The following MS4A6E variants were observed in gnomAD, a reference collection of about 807,000 sequenced individuals.
MS4A6E encodes membrane-spanning 4-domains subfamily A member 6E.
A neutral mutation model predicts 13.2 loss-of-function variants in MS4A6E; 8 were observed. That is an observed-to-expected ratio of 0.60 (90% CI 0.35 to 1.09). The LOEUF is 1.09. MS4A6E is among the 50% of genes least tolerant of loss of function. MS4A6E has a pLI of 0.02. For missense variants in MS4A6E, 177 were observed against 171.1 expected (o/e 1.03, Z -0.19); for synonymous variants, 72 against 67.6 (o/e 1.06, Z -0.32).
chr11:60,328,232 A>G (rs2085132131), intron 1 of MS4A6E, among the ~76,000 whole-genome samples: 1 of 152,162 alleles, frequency 6.6e-6, no homozygotes, highest in African/African-American at 2.4e-5. Flanking sequence ...GGGAAGAGAG[A>G]AATGAATTAA....
At chr11:60,334,303 A>G (rs971006329) in intron 1 of MS4A6E, among the ~76,000 whole-genome samples, 1 of 152,226 alleles carries the variant, frequency 6.6e-6, no homozygotes. Context: ...ACACAAGCCC[A>G]TAAAAAGCTT....
intron 1 of MS4A6E, among the ~76,000 whole-genome samples, chr11:60,332,816 A>G (rs2085165220): frequency 6.6e-6 from 1 of 152,244 alleles, no homozygotes; most frequent in Non-Finnish European, 1.5e-5. Context: ...ACACAAAGAG[A>G]AAGCAATTGA....
intron 2 of MS4A6E, among the ~76,000 whole-genome samples, chr11:60,335,922 C>G (rs2085186086): frequency 6.6e-6 from 1 of 151,960 alleles, no homozygotes; most frequent in African/African-American, 2.4e-5. Flanking sequence ...CACATGGACA[C>G]GTAGAAGGGA....
At chr11:60,328,348 A>G (rs2085132840) in intron 1 of MS4A6E, among the ~76,000 whole-genome samples, 1 of 152,216 alleles carries the variant, frequency 6.6e-6, no homozygotes, top group South Asian at 2.1e-4. Flanking sequence ...AATTAAAGGT[A>G]TGGCCAAGCT....
intron 3 of MS4A6E, among the ~76,000 whole-genome samples, chr11:60,339,515 T>G (rs954914427): frequency 5.3e-5 from 8 of 152,234 alleles, no homozygotes; most frequent in African/African-American, 1.4e-4. Context: ...GATGAGACTA[T>G]AATGGAGCTG....
intron 1 of MS4A6E, among the ~76,000 whole-genome samples, chr11:60,331,583 TA>T (rs1413924900): frequency 6.6e-6 from 1 of 152,200 alleles, no homozygotes. Flanking sequence ...ATAATTTTAA[TA>T]AAAACACAAC....
chr11:60,335,164 G>C (rs977860950), intron 2 of MS4A6E, 122 bp downstream of exon 2: 89 of 1,361,070 alleles, frequency 6.5e-5, no homozygotes, highest in African/African-American at 8.8e-5. Flanking sequence ...AGGGACTTTG[G>C]GGTAGAAGCC....
intron 3 of MS4A6E, among the ~76,000 whole-genome samples, chr11:60,338,254 T>A (rs1209135294): frequency 6.6e-6 from 1 of 152,228 alleles, no homozygotes; most frequent in South Asian, 2.1e-4. Context: ...AAACTGAGAA[T>A]GTTGGTACAT....
intron 4 of MS4A6E, among the ~76,000 whole-genome samples, chr11:60,346,362 AT>A (rs2135068960): frequency 6.6e-6 from 1 of 152,196 alleles, no homozygotes; most frequent in South Asian, 2.1e-4. Context: ...TCCTGTCCCT[AT>A]TTAAAAGACC....
chr11:60,343,422 T>C (rs1476266687), downstream of MS4A6E, among the ~76,000 whole-genome samples: 2 of 152,240 alleles, frequency 1.3e-5, no homozygotes, highest in Non-Finnish European at 2.9e-5. Flanking sequence ...AATTAGAATT[T>C]TCCAACCGGA....
At chr11:60,331,520 T>C (rs2085155779) in intron 1 of MS4A6E, among the ~76,000 whole-genome samples, 1 of 152,218 alleles carries the variant, frequency 6.6e-6, no homozygotes, top group Non-Finnish European at 1.5e-5. Context: ...ATTTGTTTCA[T>C]ATAATGCCCC....
chr11:60,331,236 A>G (rs2085154029), intron 1 of MS4A6E, among the ~76,000 whole-genome samples: 1 of 130,874 alleles, frequency 7.6e-6, no homozygotes, highest in Admixed American at 7.9e-5. Flanking sequence ...CCCAAAATTT[A>G]TTAATATAAT....
intron 1 of MS4A6E, among the ~76,000 whole-genome samples, chr11:60,328,115 C>T (rs1260341407): frequency 6.6e-6 from 1 of 151,050 alleles, no homozygotes; most frequent in African/African-American, 2.4e-5. Context: ...GTGTCTATGT[C>T]CCAGGGTTTT....
chr11:60,341,456 C>T (rs10466684), downstream of MS4A6E, among the ~76,000 whole-genome samples: 152,019 of 152,294 alleles, frequency 1, 75,873 homozygotes, highest in Middle Eastern at 1. Context: ...ACAAAACTAA[C>T]GAGTGAACAA....
chr11:60,346,880 G>A (rs1202612401), intron 4 of MS4A6E, among the ~76,000 whole-genome samples: 1 of 152,208 alleles, frequency 6.6e-6, no homozygotes, highest in Non-Finnish European at 1.5e-5. Flanking sequence ...GTGAGGGTTT[G>A]GCTTAGAAGC....
intron 1 of MS4A6E, among the ~76,000 whole-genome samples, chr11:60,327,665 A>G (rs114049402): frequency 0.018 from 2,668 of 152,274 alleles, 74 homozygotes; most frequent in African/African-American, 0.06. Flanking sequence ...TTGTAATTAC[A>G]ATATCAATTA....
chr11:60,338,105 G>C (rs1484163032), intron 3 of MS4A6E, among the ~76,000 whole-genome samples, 158 bp downstream of exon 3: 2 of 152,196 alleles, frequency 1.3e-5, no homozygotes, highest in African/African-American at 4.8e-5. Context: ...GCATGGATGA[G>C]ATTAAGGGGA....
intron 1 of MS4A6E, among the ~76,000 whole-genome samples, chr11:60,333,905 G>A (rs1354975700): frequency 1.3e-5 from 2 of 152,176 alleles, no homozygotes; most frequent in Non-Finnish European, 2.9e-5. Flanking sequence ...GAGCACTTCA[G>A]GTGAGTGCAG....
At chr11:60,340,643 G>A (rs572929327) in intron 4 of MS4A6E, 133 bp from the exon 5 acceptor site, 7 of 153,234 alleles carry the variant, frequency 4.6e-5, no homozygotes, top group African/African-American at 1.7e-4. Context: ...TGCTCTACTT[G>A]TCTTGGATTA....
Sources: gnomAD v4.1 joint callset for allele counts (sites outside exome capture counted in the v4.1 genomes callset) on GRCh38, gnomAD v4.1.1 for gene constraint, MANE v1.5 for transcripts, NCBI Gene and HGNC (gene_info 2026-07-23, HGNC 2026-07-21) for gene names.